Variants in RGS3 observed in about 807,000 individuals in gnomAD.
RGS3 encodes regulator of G-protein signalling 3.
A neutral mutation model predicts 132.6 loss-of-function variants in RGS3; 80 were observed. The ratio of observed to expected loss-of-function variants is 0.60; its 90% CI spans 0.50 to 0.73. The LOEUF (loss-of-function observed/expected upper bound fraction) is 0.73. Among genes scored for constraint, RGS3 ranks in the 30% least tolerant of loss-of-function variants. The pLI, the probability that RGS3 is intolerant of heterozygous loss-of-function variation, is 0.00. For missense variants in RGS3, 1,382 were observed against 1,530.8 expected (o/e 0.90, Z 1.62); for synonymous variants, 598 against 620.6 (o/e 0.96, Z 0.54).
chr9:113,509,973 A>G (rs879458459), intron 14 of RGS3, among the ~76,000 whole-genome samples: 2 of 152,176 alleles, frequency 1.3e-5, no homozygotes, highest in Non-Finnish European at 1.5e-5. Context: ...TTATTGGGGT[A>G]CAAGTGGTAT....
At chr9:113,517,993 A>T (rs189156568) in intron 16 of RGS3, among the ~76,000 whole-genome samples, 34 of 152,288 alleles carry the variant, frequency 2.2e-4, no homozygotes, top group Admixed American at 1.2e-3. Flanking sequence ...TTAGACCAGC[A>T]TCAGTTTACC....
At chr9:113,530,200 T>G (rs917994146) in intron 18 of RGS3, among the ~76,000 whole-genome samples, 22 of 152,222 alleles carry the variant, frequency 1.4e-4, no homozygotes, top group Non-Finnish European at 2.1e-4. Context: ...GTACACAGTT[T>G]GTGATTGAAA....
intron 15 of RGS3, chr9:113,517,167 C>T (rs567870980): frequency 1.0e-4 from 47 of 469,452 alleles, no homozygotes; most frequent in Non-Finnish European, 1.7e-4. Context: ...TCCTGTGAGG[C>T]ATGAACAGGA....
chr9:113,519,320 C>G (rs1012894347), intron 16 of RGS3, among the ~76,000 whole-genome samples: 2 of 152,100 alleles, frequency 1.3e-5, no homozygotes, highest in Non-Finnish European at 2.9e-5. Flanking sequence ...GTGACAGTTG[C>G]AATTCGTCCA....
intron 15 of RGS3, among the ~76,000 whole-genome samples, chr9:113,515,798 A>G (rs929899503): frequency 2.6e-5 from 4 of 152,226 alleles, no homozygotes; most frequent in Admixed American, 2.0e-4. Flanking sequence ...AAATTGTAGC[A>G]TGAACCTTTC....
intron 10 of RGS3, chr9:113,501,751 C>A: frequency 9.4e-7 from 1 of 1,062,580 alleles, no homozygotes; most frequent in Non-Finnish European, 1.4e-6. Flanking sequence ...TCCCTGCAGG[C>A]TCACTTGGAT....
rs1047180227 is a variant in RGS3, at chr9:113,537,156, C to T, written c.2037+238C>T. Reference sequence around the variant, plus strand: ...AGCGACAGAGCCAAATTAAGCGTGGCCCATCAGTTCTGCACTCTGTTCTTC... The same window carrying T: ...AGCGACAGAGCCAAATTAAGCGTGGTCCATCAGTTCTGCACTCTGTTCTTC... On this transcript the variant is annotated intron_variant, in intron 19 of 24. Transcript: ENST00000350696. The surrounding 1 kb of genome is among the most constrained non-coding windows in gnomAD (Gnocchi z 4.3). Among the ~76,000 whole-genome samples, 2 of 151,902 alleles carry T rather than the reference C, an allele frequency of 1.3e-5. No homozygotes were observed. Among genetic ancestry groups the T allele is most frequent in the African/African-American group, 2.4e-5 (1 of 41,308 alleles).
chr9:113,580,689 CTCTGGGGG>C (rs1168921569), intron 19 of RGS3: 1 of 562,956 alleles, frequency 1.8e-6, no homozygotes, highest in Non-Finnish European at 2.3e-6. Flanking sequence ...GGTAGGTGCC[CTCTGGGGG>C]CAGTACCCCT....
At chr9:113,576,092 T>A (rs566862977) in intron 19 of RGS3, among the ~76,000 whole-genome samples, 70 of 151,792 alleles carry the variant, frequency 4.6e-4, no homozygotes, top group Admixed American at 4.1e-3. Context: ...CCCAGCTACT[T>A]GGGGGGCTGA....
chr9:113,529,807 G>T (rs1832389762), intron 18 of RGS3, among the ~76,000 whole-genome samples: 2 of 152,208 alleles, frequency 1.3e-5, no homozygotes, highest in Non-Finnish European at 1.5e-5. Context: ...ACTCAGTGTG[G>T]TTGAGATTCC....
At chr9:113,503,720 A>G (rs535213827) in intron 10 of RGS3, among the ~76,000 whole-genome samples, 2 of 152,186 alleles carry the variant, frequency 1.3e-5, no homozygotes, top group South Asian at 4.2e-4. Flanking sequence ...GAAGTGCTGG[A>G]TAGGCTTTGG....
At chr9:113,532,620 T>G (rs1425512927) in intron 18 of RGS3, among the ~76,000 whole-genome samples, 2 of 152,122 alleles carry the variant, frequency 1.3e-5, no homozygotes, top group African/African-American at 2.4e-5. Context: ...GGGTGGTTCT[T>G]GTGGTGTCAG....
intron 16 of RGS3, among the ~76,000 whole-genome samples, chr9:113,521,940 A>G (rs993907319): frequency 6.6e-6 from 1 of 152,220 alleles, no homozygotes; most frequent in African/African-American, 2.4e-5. Context: ...CTCAAAGGGA[A>G]GTTCACATAC....
In RGS3 at chr9:113,565,411, T is replaced by TAGG. The variant is rs10693019; in HGVS notation, c.2038-18028_2038-18026dup. 0.092 allele frequency: 117,196 copies of TAGG among 1,275,784 alleles called. 5,721 individuals carry two copies. Among genetic ancestry groups the TAGG allele is most frequent in the African/African-American group, 0.19 (12,351 of 64,686 alleles). 79.0% of individuals were successfully genotyped at this position (1,275,784 alleles called of 1,614,324 possible). On this transcript the variant is annotated intron_variant, in intron 19 of 24. Coordinates refer to ENST00000350696, the Ensembl canonical transcript of RGS3. This position sits in a 1 kb window ranked among gnomAD's most constrained non-coding sequence, Gnocchi z 5.7. ...GGAGGAGGAAGAGGAGGAGGACAAGTAGGAGGAGGAGGAAGAGGAGGAGGG... is the reference window on the plus strand; with the variant it reads ...GGAGGAGGAAGAGGAGGAGGACAAGTAGGAGGAGGAGGAGGAAGAGGAGGAGGG...
intron 5 of RGS3, 115 bp downstream of exon 3, chr9:113,483,232 A>G: frequency 1.4e-6 from 1 of 710,758 alleles, no homozygotes; most frequent in Admixed American, 2.5e-5. Context: ...GGCAGTTGCC[A>G]TCTCACTCAT....
intron 19 of RGS3, among the ~76,000 whole-genome samples, chr9:113,577,632 C>T (rs551524708): frequency 3.3e-5 from 5 of 152,278 alleles, no homozygotes; most frequent in Middle Eastern, 3.4e-3. Context: ...CCCTGGGATG[C>T]AGCCACACAG....
intron 7 of RGS3, among the ~76,000 whole-genome samples, chr9:113,495,267 C>G (rs1359394657): frequency 6.6e-6 from 1 of 152,236 alleles, no homozygotes; most frequent in Non-Finnish European, 1.5e-5. Flanking sequence ...CCTACCTGCC[C>G]TGCTGGTGGC....
At chr9:113,517,764 C>T in intron 16 of RGS3, 140 bp downstream of exon 14, 1 of 620,794 alleles carries the variant, frequency 1.6e-6, no homozygotes, top group Non-Finnish European at 2.8e-6. Flanking sequence ...AAGGACCCCG[C>T]CACTCTCCCT....
intron 3 of RGS3, among the ~76,000 whole-genome samples, chr9:113,464,406 C>T (rs1829560363): frequency 6.6e-6 from 1 of 152,180 alleles, no homozygotes; most frequent in African/African-American, 2.4e-5. Flanking sequence ...TTAGGAGGGT[C>T]CCAGGGCTGC....
Sources: allele counts gnomAD v4.1 joint callset (sites outside exome capture counted in the v4.1 genomes callset), GRCh38; gene constraint gnomAD v4.1.1; non-coding constraint Gnocchi (gnomAD v3.1); transcripts MANE v1.5; gene names NCBI Gene and HGNC (gene_info 2026-07-23, HGNC 2026-07-21).